Variants in HS6ST3 observed in about 807,000 individuals in gnomAD.
HS6ST3 encodes heparan sulfate 6-O-sulfotransferase 3.
A neutral mutation model predicts 36.7 loss-of-function variants in HS6ST3; 12 were observed. That is an observed-to-expected ratio of 0.33 (90% CI 0.21 to 0.53). The LOEUF is 0.53. Ranked by LOEUF, HS6ST3 falls within the 20% of genes least tolerant of loss-of-function variation. HS6ST3 has a pLI of 0.95. For missense variants in HS6ST3, 584 were observed against 640.9 expected, an observed-to-expected ratio of 0.91 and a Z score of 0.96; for synonymous variants, 240 against 257.5, an observed-to-expected ratio of 0.93 and a Z score of 0.65.
At chr13:96,103,117 G>GATGGTT (rs1398690619) in intron 1 of HS6ST3, among the ~76,000 whole-genome samples, 1 of 152,168 alleles carries the variant, frequency 6.6e-6, no homozygotes, top group East Asian at 1.9e-4. Context: ...CCCTGAAAAT[G>GATGGTT]ATGGTTATTA....
At chr13:96,152,039 T>C (rs1238269907) in intron 1 of HS6ST3, among the ~76,000 whole-genome samples, 1 of 152,162 alleles carries the variant, frequency 6.6e-6, no homozygotes, top group Non-Finnish European at 1.5e-5. Flanking sequence ...CTTTTTTGGG[T>C]GGGGGGACAC....
At chr13:96,280,242 C>A (rs1189161000) in intron 1 of HS6ST3, among the ~76,000 whole-genome samples, 7 of 152,004 alleles carry the variant, frequency 4.6e-5, no homozygotes, top group African/African-American at 1.7e-4. Context: ...AATATTTTTT[C>A]TTCAAGAAAT....
chr13:96,226,446 G>A (rs1378253033), intron 1 of HS6ST3, among the ~76,000 whole-genome samples: 2 of 152,162 alleles, frequency 1.3e-5, no homozygotes, highest in African/African-American at 2.4e-5. Context: ...CTTGAACTTG[G>A]GAGGCGGAGG....
intron 1 of HS6ST3, among the ~76,000 whole-genome samples, chr13:96,164,505 T>C (rs1229674700): frequency 6.6e-6 from 1 of 151,306 alleles, no homozygotes; most frequent in Non-Finnish European, 1.5e-5. Context: ...TGCAGTTTGC[T>C]ATGATCCCAC....
At chr13:96,804,108 G>A (rs909911709) in intron 1 of HS6ST3, among the ~76,000 whole-genome samples, 1 of 151,196 alleles carries the variant, frequency 6.6e-6, no homozygotes, top group Non-Finnish European at 1.5e-5. Flanking sequence ...GCAGTCACTT[G>A]TGTTAGCATT....
intron 1 of HS6ST3, among the ~76,000 whole-genome samples, chr13:96,811,431 C>G (rs1878314724): frequency 6.6e-6 from 1 of 152,120 alleles, no homozygotes; most frequent in Non-Finnish European, 1.5e-5. Context: ...CAATGAATGT[C>G]TTGAGCTCTA....
chr13:96,646,959 T>A (rs776581727), intron 1 of HS6ST3, among the ~76,000 whole-genome samples: 3 of 151,986 alleles, frequency 2.0e-5, no homozygotes, highest in Non-Finnish European at 4.4e-5. Context: ...CAACTACAAT[T>A]TGAGAAGACA....
intron 1 of HS6ST3, among the ~76,000 whole-genome samples, chr13:96,752,319 A>G (rs1420466358): frequency 6.6e-6 from 1 of 151,886 alleles, no homozygotes; most frequent in African/African-American, 2.4e-5. Context: ...TTGAGCATGC[A>G]TCACCGTGTA....
rs530313095 is a variant in HS6ST3, at chr13:96,479,635, G to C, written c.708-352855G>C. Reference sequence around the variant, plus strand: ...GGATAGATCAGAGAAATATTGATGAGGTGGAATTAAGAGAAATTGGTGGTT... The same window carrying C: ...GGATAGATCAGAGAAATATTGATGACGTGGAATTAAGAGAAATTGGTGGTT... On this transcript the variant is annotated intron_variant, in intron 1 of 1. Transcript: ENST00000376705. Among the ~76,000 whole-genome samples the C allele has an allele frequency of 3.5e-3, 531 of 152,238 alleles. 1 individual carries two copies. The highest frequency in any genetic ancestry group is 4.8e-3 in the Non-Finnish European group (326 of 68,024).
chr13:96,519,261 A>G (rs2056084290), intron 1 of HS6ST3, among the ~76,000 whole-genome samples: 1 of 151,832 alleles, frequency 6.6e-6, no homozygotes, highest in Non-Finnish European at 1.5e-5. Flanking sequence ...TGACTCTAAC[A>G]TTTTCCTAAT....
chr13:96,771,027 G>A (rs1048079492), intron 1 of HS6ST3, among the ~76,000 whole-genome samples: 1 of 152,120 alleles, frequency 6.6e-6, no homozygotes, highest in African/African-American at 2.4e-5. Flanking sequence ...TTGGTTCCAA[G>A]TCTTTGCTAT....
chr13:96,336,795 C>G (rs557206865), intron 1 of HS6ST3, among the ~76,000 whole-genome samples: 2 of 152,242 alleles, frequency 1.3e-5, no homozygotes, highest in Admixed American at 1.3e-4. Context: ...TTCTTATACT[C>G]TCATGTTCTT....
chr13:96,369,691 C>A (rs2055280161), intron 1 of HS6ST3, among the ~76,000 whole-genome samples: 1 of 152,084 alleles, frequency 6.6e-6, no homozygotes, highest in African/African-American at 2.4e-5. Flanking sequence ...AGGGTGATTT[C>A]TTGGGCTTTG....
chr13:96,153,795 T>C (rs1379107406), intron 1 of HS6ST3, among the ~76,000 whole-genome samples: 3 of 152,218 alleles, frequency 2.0e-5, no homozygotes, highest in Admixed American at 1.3e-4. Context: ...GAGGTATCAG[T>C]TGAGGAATTT....
At chr13:96,267,213 C>A (rs547541148) in intron 1 of HS6ST3, among the ~76,000 whole-genome samples, 3 of 152,286 alleles carry the variant, frequency 2.0e-5, no homozygotes, top group African/African-American at 7.2e-5. Flanking sequence ...CCTCCCCAGC[C>A]ATGTGGAACT....
At chr13:96,576,281 G>A (rs2056320890) in intron 1 of HS6ST3, among the ~76,000 whole-genome samples, 1 of 152,144 alleles carries the variant, frequency 6.6e-6, no homozygotes, top group South Asian at 2.1e-4. Flanking sequence ...TGCTGTACTG[G>A]GTTCCCGCAG....
intron 1 of HS6ST3, among the ~76,000 whole-genome samples, chr13:96,506,174 C>T (rs1391602709): frequency 2.0e-5 from 3 of 151,936 alleles, no homozygotes; most frequent in Admixed American, 6.6e-5. Context: ...TTGAAACCGC[C>T]GTATAGTTGG....
intron 1 of HS6ST3, among the ~76,000 whole-genome samples, chr13:96,726,841 G>C (rs1435564558): frequency 6.6e-6 from 1 of 151,776 alleles, no homozygotes; most frequent in African/African-American, 2.4e-5. Context: ...GAAATCTGCT[G>C]TTATCCTTCT....
chr13:96,299,747 G>C (rs2054872419), intron 1 of HS6ST3, among the ~76,000 whole-genome samples: 1 of 152,160 alleles, frequency 6.6e-6, no homozygotes, highest in South Asian at 2.1e-4. Context: ...AAAATTCACT[G>C]TGACATTGGC....
Sources: allele counts gnomAD v4.1 joint callset (sites outside exome capture counted in the v4.1 genomes callset), GRCh38; gene constraint gnomAD v4.1.1; transcripts MANE v1.5; gene names NCBI Gene and HGNC (gene_info 2026-07-23, HGNC 2026-07-21).